Variants in ERBB4 observed in about 807,000 individuals in gnomAD.
The protein encoded by ERBB4 is erb-b2 receptor tyrosine kinase 4.
ERBB4 carries 42 observed loss-of-function variants against 158.0 expected under a neutral mutation model. That is an observed-to-expected ratio of 0.27 (90% CI 0.21 to 0.34). The LOEUF (loss-of-function observed/expected upper bound fraction) is 0.34. ERBB4 is among the 10% of genes least tolerant of loss of function. ERBB4 has a pLI of 1.00. For missense variants in ERBB4, 1,333 were observed against 1,624.1 expected (o/e 0.82, Z 3.08); for synonymous variants, 583 against 558.7 (o/e 1.04, Z -0.61).
chr2:212,414,536 G>T (rs1449099784), intron 1 of ERBB4, among the ~76,000 whole-genome samples: 1 of 152,102 alleles, frequency 6.6e-6, no homozygotes, highest in Non-Finnish European at 1.5e-5. Flanking sequence ...CTTTTCTAAT[G>T]TGACAGGCTT....
intron 9 of ERBB4, among the ~76,000 whole-genome samples, chr2:211,706,682 C>T (rs73985811): frequency 0.12 from 18,105 of 151,836 alleles, 1,187 homozygotes; most frequent in South Asian, 0.2. Context: ...CAATGTACTG[C>T]TAGTTTAACA....
At chr2:211,864,103 A>G (rs963061076) in intron 3 of ERBB4, among the ~76,000 whole-genome samples, 2 of 152,092 alleles carry the variant, frequency 1.3e-5, no homozygotes, top group African/African-American at 4.8e-5. Flanking sequence ...TTTTCTCATC[A>G]CCCAGTCTTG....
chr2:212,401,175 T>C (rs1186431111), intron 1 of ERBB4, among the ~76,000 whole-genome samples: 1 of 152,158 alleles, frequency 6.6e-6, no homozygotes, highest in African/African-American at 2.4e-5. Flanking sequence ...GGATCCAGCA[T>C]TAGACATGGA....
In ERBB4 at chr2:211,665,433, T is replaced by G; in HGVS notation, c.1761A>C (p.Pro587=). 6.2e-7 allele frequency: 1 copy of G among 1,614,006 alleles called. No homozygotes were observed. The highest frequency in any genetic ancestry group is 8.5e-7 in the Non-Finnish European group (1 of 1,179,976). ...CATCTGGACATTTTTCCACACAGTT[T>G]GGGCCATCTTTAAAATGAGAGCACT... ...CTKCSHFKDG[P]NCVEKCPDGL... The change falls in exon 15 of 28, where the codon CCA becomes CCC. Residue 587 remains proline, a synonymous_variant. Transcript: ENST00000342788.
Position 211,777,949 on chromosome 2 carries a change from A to G in ERBB4, c.556+10076T>C, listed in dbSNP as rs571870072. 2.0e-5 allele frequency: 3 copies of G among 152,400 alleles called. No individual in the cohort carries two copies. In the South Asian group the frequency reaches 6.2e-4, roughly 32 times the overall value. 9.4% of individuals were successfully genotyped at this position (152,400 alleles called of 1,614,324 possible). ...TTCTGTAACAGACCTAAGGGCTGCA[A>G]GACTCTATTCTGCATCAGTTGAACG... On this transcript the variant is annotated intron_variant, in intron 4 of 27. Transcript: ENST00000342788.
At chr2:212,280,374 G>A (rs1201596183) in intron 1 of ERBB4, among the ~76,000 whole-genome samples, 2 of 151,568 alleles carry the variant, frequency 1.3e-5, no homozygotes, top group African/African-American at 2.4e-5. Flanking sequence ...CACTTGGAAT[G>A]GTTAATTCAC....
intron 12 of ERBB4, among the ~76,000 whole-genome samples, chr2:211,699,588 C>T (rs753649066): frequency 2.6e-5 from 4 of 151,834 alleles, no homozygotes; most frequent in Non-Finnish European, 4.4e-5. Flanking sequence ...TATTCTAAGA[C>T]GTTAAAAATG....
At chr2:212,273,851 AGTGGTG>A (rs979049813) in intron 1 of ERBB4, among the ~76,000 whole-genome samples, 15 of 151,944 alleles carry the variant, frequency 9.9e-5, no homozygotes, top group African/African-American at 3.4e-4. Context: ...ATAGTGAGTA[AGTGGTG>A]GAGGCAGGAT....
intron 2 of ERBB4, among the ~76,000 whole-genome samples, chr2:212,082,789 A>C (rs1439041394): frequency 6.6e-6 from 1 of 152,058 alleles, no homozygotes; most frequent in African/African-American, 2.4e-5. Context: ...ATTTAATTAA[A>C]CATTACATGC....
chr2:212,225,567 C>T (rs1427225680), intron 1 of ERBB4, among the ~76,000 whole-genome samples: 1 of 151,630 alleles, frequency 6.6e-6, no homozygotes, highest in African/African-American at 2.4e-5. Flanking sequence ...AATATCTATC[C>T]TATAGAGGTA....
intron 1 of ERBB4, among the ~76,000 whole-genome samples, chr2:212,488,194 T>A (rs188025760): frequency 2.3e-4 from 35 of 152,212 alleles, no homozygotes; most frequent in Non-Finnish European, 4.1e-4. Flanking sequence ...GAATCACTCC[T>A]TTTATCCCTT....
chr2:212,310,302 A>G (rs879307140), intron 1 of ERBB4, among the ~76,000 whole-genome samples: 3 of 150,776 alleles, frequency 2.0e-5, no homozygotes, highest in Non-Finnish European at 4.5e-5. Flanking sequence ...ATTGTTCAAG[A>G]CATCAAATTT....
intron 1 of ERBB4, among the ~76,000 whole-genome samples, chr2:212,288,622 C>T (rs938018265): frequency 6.6e-6 from 1 of 152,060 alleles, no homozygotes; most frequent in Non-Finnish European, 1.5e-5. Context: ...TGCTGATAGT[C>T]CTTCTTTCCC....
At chr2:211,427,708 G>T (rs1170982164) in intron 22 of ERBB4, among the ~76,000 whole-genome samples, 1 of 151,918 alleles carries the variant, frequency 6.6e-6, no homozygotes, top group Non-Finnish European at 1.5e-5. Context: ...TTACATGCAA[G>T]AAACCCACAA....
chr2:211,880,545 C>A (rs1440469401), intron 3 of ERBB4, among the ~76,000 whole-genome samples: 4 of 152,070 alleles, frequency 2.6e-5, no homozygotes, highest in Non-Finnish European at 5.9e-5. Flanking sequence ...ATGAAAAAAA[C>A]TATGCACAGA....
chr2:211,797,767 C>G (rs1429273493), intron 3 of ERBB4, among the ~76,000 whole-genome samples: 1 of 151,818 alleles, frequency 6.6e-6, no homozygotes, highest in Non-Finnish European at 1.5e-5. Context: ...AATAAGATTG[C>G]AAGCAAGCCA....
chr2:211,543,256 C>T (rs991783867), intron 20 of ERBB4, among the ~76,000 whole-genome samples: 1 of 151,956 alleles, frequency 6.6e-6, no homozygotes, highest in East Asian at 1.9e-4. Context: ...GCAGCAACAT[C>T]AGTAGCTTTG....
At chr2:211,603,238 A>G (rs2068858442) in intron 19 of ERBB4, among the ~76,000 whole-genome samples, 1 of 152,140 alleles carries the variant, frequency 6.6e-6, no homozygotes, top group Admixed American at 6.5e-5. Context: ...CTCAATAAAT[A>G]AATAAATAAA....
chr2:212,169,005 T>C (rs771731838), intron 1 of ERBB4, among the ~76,000 whole-genome samples: 7 of 152,192 alleles, frequency 4.6e-5, no homozygotes, highest in Non-Finnish European at 7.4e-5. Flanking sequence ...GATAAAGTAT[T>C]TAAATTCTGA....
Sources: gnomAD v4.1 joint callset for allele counts (sites outside exome capture counted in the v4.1 genomes callset) on GRCh38, gnomAD v4.1.1 for gene constraint, MANE v1.5 for transcripts, NCBI Gene and HGNC (gene_info 2026-07-23, HGNC 2026-07-21) for gene names.